RARB: variants seen among roughly 807,000 people sequenced by gnomAD.
RARB encodes the protein retinoic acid receptor beta, also known as HBV-activated protein.
RARB carries 17 observed loss-of-function variants against 51.9 expected under a neutral mutation model. That is an observed-to-expected ratio of 0.33 (90% CI 0.22 to 0.49). The LOEUF (loss-of-function observed/expected upper bound fraction) is 0.49, where lower values mean the gene tolerates loss of function less well. Ranked by LOEUF, RARB falls within the 20% of genes least tolerant of loss-of-function variation. RARB has a pLI of 0.99. For synonymous variants in RARB, 215 were observed against 195.4 expected (o/e 1.10, Z -0.84); for missense variants, 369 against 550.8 (o/e 0.67, Z 3.30).
intron 3 of RARB, among the ~76,000 whole-genome samples, chr3:25,096,932 C>G (rs927600056): frequency 2.0e-4 from 30 of 152,134 alleles, no homozygotes; most frequent in African/African-American, 6.8e-4. Context: ...CCTCTCTGAT[C>G]AAATCTTCTC....
intron 2 of RARB, among the ~76,000 whole-genome samples, chr3:24,925,741 T>G (rs964193503): frequency 2.0e-5 from 3 of 151,436 alleles, no homozygotes; most frequent in Non-Finnish European, 4.4e-5. Context: ...TTAATAGAGA[T>G]ATCTTTCTTA....
chr3:25,352,968 A>G (rs536022352), intron 5 of RARB, among the ~76,000 whole-genome samples: 2 of 152,310 alleles, frequency 1.3e-5, no homozygotes, highest in South Asian at 2.1e-4. Context: ...CCTGCCTATT[A>G]TGAAGTCATT....
At chr3:24,940,616 T>C (rs1695644145) in intron 2 of RARB, among the ~76,000 whole-genome samples, 1 of 152,144 alleles carries the variant, frequency 6.6e-6, no homozygotes, top group Non-Finnish European at 1.5e-5. Context: ...GTACCCTCCT[T>C]TAGCTGGACC....
chr3:25,224,568 A>G (rs1172643865), intron 5 of RARB, among the ~76,000 whole-genome samples: 3 of 152,178 alleles, frequency 2.0e-5, no homozygotes, highest in Admixed American at 6.5e-5. Flanking sequence ...TCCAGAAATT[A>G]GGTGTTCAGG....
chr3:25,451,850 ATCTAC>A (rs1341227537), intron 1 of RARB, among the ~76,000 whole-genome samples: 1 of 152,228 alleles, frequency 6.6e-6, no homozygotes, highest in African/African-American at 2.4e-5. Flanking sequence ...TCCTGTTTTA[ATCTAC>A]TCTGTGTGCA....
At chr3:25,464,361 A>G (rs1303766587) in intron 2 of RARB, among the ~76,000 whole-genome samples, 1 of 152,218 alleles carries the variant, frequency 6.6e-6, no homozygotes, top group African/African-American at 2.4e-5. Flanking sequence ...CCCAATAAAA[A>G]CAAAACCCAT....
intron 5 of RARB, among the ~76,000 whole-genome samples, chr3:25,193,572 A>G: frequency 6.6e-6 from 1 of 152,044 alleles, no homozygotes; most frequent in East Asian, 1.9e-4. Flanking sequence ...CTTGTCATAA[A>G]AAATAGTAGA....
intron 4 of RARB, among the ~76,000 whole-genome samples, chr3:25,154,980 T>C (rs1421514980): frequency 6.6e-6 from 1 of 152,200 alleles, no homozygotes; most frequent in African/African-American, 2.4e-5. Flanking sequence ...ACCTAACACA[T>C]AGCAAGTATT....
intron 4 of RARB, among the ~76,000 whole-genome samples, chr3:25,576,869 TCTC>T (rs1266912127): frequency 6.6e-6 from 1 of 152,122 alleles, no homozygotes; most frequent in Non-Finnish European, 1.5e-5. Flanking sequence ...TTGGGGGCCT[TCTC>T]CTCTCTTCTC....
chr3:25,037,003 C>A (rs1698009551), intron 2 of RARB, among the ~76,000 whole-genome samples: 1 of 152,086 alleles, frequency 6.6e-6, no homozygotes, highest in African/African-American at 2.4e-5. Context: ...GTTTTATTTC[C>A]CTCCTGTCAA....
intron 5 of RARB, among the ~76,000 whole-genome samples, chr3:25,307,150 C>T (rs1026435516): frequency 6.6e-6 from 1 of 151,924 alleles, no homozygotes; most frequent in Non-Finnish European, 1.5e-5. Context: ...ATGAGGCAGG[C>T]GGATCAATTG....
At chr3:25,320,942 G>T (rs189695520) in intron 5 of RARB, among the ~76,000 whole-genome samples, 2 of 152,120 alleles carry the variant, frequency 1.3e-5, no homozygotes, top group African/African-American at 4.8e-5. Flanking sequence ...AAATTCTGAG[G>T]TATCCACCCA....
chr3:25,184,313 G>A (rs1001125209), intron 5 of RARB, among the ~76,000 whole-genome samples: 1 of 152,100 alleles, frequency 6.6e-6, no homozygotes, highest in African/African-American at 2.4e-5. Flanking sequence ...TTGAGAGTAA[G>A]GCCAGAGTTT....
At position 24,902,585 on chromosome 3, in the gene RARB, T is replaced by A. The variant is rs77938325; in HGVS notation, c.-380+43833T>A. On this transcript the variant is annotated intron_variant, in intron 2 of 11. Coordinates refer to the RARB transcript ENST00000383772. ...TTATGAATTTATATGTATTGTACAG[T>A]GAACCGAGGATGATGAGACTGCTCA... Among the ~76,000 whole-genome samples the A allele has an allele frequency of 1.7e-4, 26 of 152,308 alleles. No homozygotes were observed. The East Asian group carries it at 4.6e-3, about 27-fold the overall frequency.
chr3:24,836,858 C>T (rs7645442), intron 1 of RARB, among the ~76,000 whole-genome samples: 28,999 of 152,052 alleles, frequency 0.19, 5,753 homozygotes, highest in African/African-American at 0.51. Flanking sequence ...GGTAGTATAT[C>T]GGAACTTCTG....
chr3:24,896,406 C>T (rs879655958), intron 2 of RARB, among the ~76,000 whole-genome samples: 5 of 151,980 alleles, frequency 3.3e-5, no homozygotes, highest in East Asian at 1.9e-4. Flanking sequence ...ATTACAGGGG[C>T]GCACCACCAC....
At chr3:25,554,259 G>T (rs1043073108) in intron 3 of RARB, among the ~76,000 whole-genome samples, 6 of 150,518 alleles carry the variant, frequency 4.0e-5, no homozygotes, top group African/African-American at 1.5e-4. Context: ...ACATGAGGGG[G>T]TGAGTATTAA....
rs759630777 is a variant in RARB, at chr3:25,461,177, C to T, written c.158-16C>T. 6.4e-7 allele frequency: 1 copy of T among 1,557,572 alleles called. No individual in the cohort carries two copies. The highest frequency in any genetic ancestry group is 1.2e-5 in the South Asian group (1 of 82,882). Reference sequence around the variant, plus strand: ...CATTTTCTCTTTTTTCTCCCTCTACCCCATCTCTATTATAGCAATTGAAAC... The same window carrying T: ...CATTTTCTCTTTTTTCTCCCTCTACTCCATCTCTATTATAGCAATTGAAAC... On this transcript the variant is annotated splice_polypyrimidine_tract_variant and intron_variant, in intron 1 of 7. Coordinates refer to ENST00000330688, the MANE Select transcript of RARB (RefSeq NM_000965.5).
At chr3:25,587,109 C>T (rs774400940) in intron 5 of RARB, among the ~76,000 whole-genome samples, 1 of 152,006 alleles carries the variant, frequency 6.6e-6, no homozygotes, top group Non-Finnish European at 1.5e-5. Flanking sequence ...GTTTCCTCAC[C>T]AATTGAATAA....
Sources: gnomAD v4.1 joint callset for allele counts (sites outside exome capture counted in the v4.1 genomes callset) on GRCh38, gnomAD v4.1.1 for gene constraint, MANE v1.5 for transcripts, NCBI Gene and HGNC (gene_info 2026-07-23, HGNC 2026-07-21) for gene names.